DNASE2B: variants seen among roughly 807,000 people sequenced by gnomAD.
DNASE2B encodes the protein deoxyribonuclease 2 beta, also known as deoxyribonuclease-2-beta.
A neutral mutation model predicts 46.0 loss-of-function variants in DNASE2B; 43 were observed. That is an observed-to-expected ratio of 0.94 (90% confidence interval 0.73 to 1.21). DNASE2B has a LOEUF of 1.21. DNASE2B is among the 50% of genes most tolerant of loss of function. The probability of loss-of-function intolerance (pLI) is 0.00; values close to 1 mark genes in which losing one functional copy is unlikely to be tolerated. For synonymous variants in DNASE2B, 156 were observed against 152.5 expected (o/e 1.02, Z -0.17); for missense variants, 395 against 414.4 (o/e 0.95, Z 0.41).
rs199881802 is a variant in DNASE2B at position 84,410,872 on chromosome 1, G to A, written c.420G>A (p.Trp140Ter). Residue 140 changes from tryptophan (W) to a stop codon, truncating the protein, a stop_gained, in exon 4 of 6, where the codon TGG (tryptophan) becomes TGA (stop). Transcript: ENST00000370665. LOFTEE classifies it high-confidence loss of function. ...TGTGGAACAGAGTTCAAGGGTTCTGGCTGATTCATTCCATCCCTCAGTTTC... is the reference window on the plus strand; with the variant it reads ...TGTGGAACAGAGTTCAAGGGTTCTGACTGATTCATTCCATCCCTCAGTTTC... ...LLLWNRVQGF[W>*]LIHSIPQFPP... 53 of 1,613,468 alleles carry A rather than the reference G, an allele frequency of 3.3e-5. No homozygotes were observed. Among genetic ancestry groups the A allele is most frequent in the Admixed American group, 8.3e-5 (5 of 59,922 alleles).
intron 5 of DNASE2B, among the ~76,000 whole-genome samples, 154 bp from the exon 6 acceptor site, chr1:84,414,373 GT>G (rs1680655429): frequency 6.6e-6 from 1 of 152,168 alleles, no homozygotes; most frequent in African/African-American, 2.4e-5. Flanking sequence ...TTTACAAAAT[GT>G]TTTCTCATCC....
In DNASE2B at chr1:84,408,387, G is replaced by A. The variant is rs757577574; in HGVS notation, c.304-50G>A. 5.3e-5 allele frequency: 83 copies of A among 1,554,662 alleles called. 1 individual carries two copies. The highest frequency in any genetic ancestry group is 9.6e-5 in the Admixed American group (5 of 52,226). On this transcript the variant is annotated intron_variant, in intron 2 of 5. Coordinates refer to ENST00000370665, the MANE Select transcript of DNASE2B (RefSeq NM_021233.3). Reference sequence around the variant, plus strand: ...GGTAGCTGGTAGAAATGTTGTGGGCGTTTGTAAGTGGAAGATTTACGCCAT... The same window carrying A: ...GGTAGCTGGTAGAAATGTTGTGGGCATTTGTAAGTGGAAGATTTACGCCAT...
intron 3 of DNASE2B, among the ~76,000 whole-genome samples, chr1:84,409,874 C>G (rs1342527215): frequency 6.6e-6 from 1 of 152,174 alleles, no homozygotes; most frequent in Non-Finnish European, 1.5e-5. Flanking sequence ...CTCATCTGCA[C>G]AGAGGATAAC....
intron 2 of DNASE2B, among the ~76,000 whole-genome samples, chr1:84,405,097 G>A (rs1680475547): frequency 6.6e-6 from 1 of 151,944 alleles, no homozygotes; most frequent in African/African-American, 2.4e-5. Flanking sequence ...AGCAAAAGCT[G>A]CTTCTCCTGT....
chr1:84,401,509 G>A lies in DNASE2B; in HGVS notation c.126-392G>A, dbSNP rs558384373. 2.6e-5 allele frequency among the ~76,000 whole-genome samples: 4 copies of A among 152,166 alleles called. 1 individual carries two copies. Among genetic ancestry groups the A allele is most frequent in the Non-Finnish European group, 5.9e-5 (4 of 68,032 alleles). On this transcript the variant is annotated intron_variant, in intron 1 of 5. Transcript: ENST00000370665. ...ATGCAGCTTATGACAGGGGCTCAAAGTACCTTCCACCTCTCCTGAAGCCCA... is the reference window on the plus strand; with the variant it reads ...ATGCAGCTTATGACAGGGGCTCAAAATACCTTCCACCTCTCCTGAAGCCCA...
intron 5 of DNASE2B, 114 bp from the exon 6 acceptor site, chr1:84,414,414 C>A: frequency 1.2e-6 from 1 of 856,524 alleles, no homozygotes; most frequent in South Asian, 1.9e-5. Context: ...TATTATTGTG[C>A]TCGTGACATC....
intron 4 of DNASE2B, among the ~76,000 whole-genome samples, chr1:84,411,450 G>A (rs1209698943): frequency 3.7e-5 from 1 of 26,904 alleles, no homozygotes; most frequent in Non-Finnish European, 9.0e-5. Context: ...GTGTGTGTGT[G>A]TGTGTGTGTG....
At chr1:84,411,430 GTGT>G (rs1558503345) in intron 4 of DNASE2B, among the ~76,000 whole-genome samples, 20 of 1,610 alleles carry the variant, frequency 0.012, no homozygotes, top group African/African-American at 0.015. Flanking sequence ...CCTAGGGTGT[GTGT>G]GTGTGTGTGT....
Position 84,402,082 on chromosome 1 carries a change from T to C in DNASE2B, c.303+4T>C, listed in dbSNP as rs765958882. The C allele has an allele frequency of 4.4e-6, 7 of 1,588,562 alleles. No individual in the cohort carries two copies. Among genetic ancestry groups the C allele is most frequent in the Non-Finnish European group, 6.0e-6 (7 of 1,172,492 alleles). The stretch of plus-strand genomic sequence containing the variant: ...ATATGAAGCATATGCCTCTAAGGTA[T>C]GTTATATAGTTAATTGTTCACTTGA... On this transcript the variant is annotated splice_donor_region_variant and intron_variant, in intron 2 of 5. Coordinates refer to ENST00000370665, the MANE Select transcript of DNASE2B (RefSeq NM_021233.3).
intron 2 of DNASE2B, among the ~76,000 whole-genome samples, chr1:84,403,149 A>C (rs938641691): frequency 2.0e-5 from 3 of 152,196 alleles, no homozygotes; most frequent in Non-Finnish European, 4.4e-5. Context: ...TTGTCTCAAC[A>C]AACCTGCTTT....
chr1:84,403,957 T>C, intron 2 of DNASE2B, among the ~76,000 whole-genome samples: 1 of 146,944 alleles, frequency 6.8e-6, no homozygotes, highest in African/African-American at 2.5e-5. Flanking sequence ...TGGCTAATTT[T>C]TTTTTTTTTT....
chr1:84,403,031 C>T (rs1430656479), intron 2 of DNASE2B, among the ~76,000 whole-genome samples: 1 of 152,156 alleles, frequency 6.6e-6, no homozygotes, highest in African/African-American at 2.4e-5. Context: ...TATTTACCTG[C>T]CATTAAGACT....
At chr1:84,405,839 A>G (rs1680484213) in intron 2 of DNASE2B, among the ~76,000 whole-genome samples, 1 of 152,158 alleles carries the variant, frequency 6.6e-6, no homozygotes, top group South Asian at 2.1e-4. Context: ...ATGACTTAGT[A>G]CTGCATATTT....
chr1:84,398,684 G>A lies in DNASE2B; in HGVS notation c.120G>A (p.Val40=). 12 of 1,613,776 alleles carry A rather than the reference G, an allele frequency of 7.4e-6. No homozygotes were observed. The highest frequency in any genetic ancestry group is 1.0e-5 in the Non-Finnish European group (12 of 1,179,716). The change falls in exon 1 of 6, where the codon GTG becomes GTA. Residue 40 remains valine (V), a synonymous_variant. Transcript: ENST00000370665. ...ISCRNEEGKA[V]DWFTFYKLPK... ...GCAGAAATGAAGAAGGGAAAGCTGT[G>A]GACTGGTAGGTAAATGAAATGGAAG...
chr1:84,410,966 A>G lies in DNASE2B; in HGVS notation c.514A>G (p.Ile172Val), dbSNP rs778375234. The change falls in exon 4 of 6, where the codon ATA (isoleucine) becomes GTA (valine). Residue 172 changes from isoleucine (I) to valine (V), a missense_variant. Coordinates refer to ENST00000370665, the MANE Select transcript of DNASE2B (RefSeq NM_021233.3). ...GRRNGQSGIC[I>V]TFKYNQYEAI... ...ACGAAATGGACAAAGTGGCATCTGC[A>G]TAACTTTCAAGTACAACCAGTATGA... 2 of 1,612,134 alleles carry G rather than the reference A, an allele frequency of 1.2e-6. No individual in the cohort carries two copies. Among genetic ancestry groups the G allele is most frequent in the African/African-American group, 1.3e-5 (1 of 75,052 alleles).
chr1:84,410,387 T>C (rs1021437197), intron 3 of DNASE2B, among the ~76,000 whole-genome samples: 2 of 152,220 alleles, frequency 1.3e-5, no homozygotes, highest in South Asian at 2.1e-4. Context: ...TAACAAATTA[T>C]TGTGAGTACA....
At chr1:84,401,854 AAAACAGTCAATAAATGTTAGT>A (rs752677457) in intron 1 of DNASE2B, 26 bp from the exon 2 acceptor site, 1,090 of 1,374,394 alleles carry the variant, frequency 7.9e-4, no homozygotes, top group Non-Finnish European at 1.0e-3. Flanking sequence ...CTGCCACAGG[AAAACAGTCAATAAATGTTAGT>A]AATTCATAAT....
rs1371919777 is a variant in DNASE2B, at chr1:84,412,415, A to G, written c.614A>G (p.Glu205Gly). 1.9e-6 allele frequency: 3 copies of G among 1,613,312 alleles called. No individual in the cohort carries two copies. In the Admixed American group the frequency reaches 5.0e-5, roughly 27 times the overall value. Residue 205 changes from glutamate (E) to glycine (G), a missense_variant, in exon 5 of 6, where the codon GAG (glutamate) becomes GGG (glycine). Physicochemically the swap from Glu to Gly is moderately conservative, Grantham distance 98. Coordinates refer to ENST00000370665, the MANE Select transcript of DNASE2B (RefSeq NM_021233.3). ...TCCATCCCAGCCACCTTTCACCAGG[A>G]GCTCATTCACATGCCCCAGCTGTGC... ...SCSIPATFHQ[E>G]LIHMPQLCTR... is the part of the protein sequence containing the mutation.
Position 84,398,703 on chromosome 1 carries a change from A to G in DNASE2B, c.125+14A>G. Reference sequence around the variant, plus strand: ...AGCTGTGGACTGGTAGGTAAATGAAATGGAAGGACTGCTGCATGCAAACAG... The same window carrying G: ...AGCTGTGGACTGGTAGGTAAATGAAGTGGAAGGACTGCTGCATGCAAACAG... On this transcript the variant is annotated intron_variant, in intron 1 of 5. Coordinates refer to ENST00000370665, the MANE Select transcript of DNASE2B (RefSeq NM_021233.3). 6.2e-7 allele frequency: 1 copy of G among 1,613,398 alleles called. No homozygotes were observed. The highest frequency in any genetic ancestry group is 8.5e-7 in the Non-Finnish European group (1 of 1,179,520).
Sources: allele counts gnomAD v4.1 joint callset (sites outside exome capture counted in the v4.1 genomes callset), GRCh38; gene constraint gnomAD v4.1.1; transcripts MANE v1.5; gene names NCBI Gene and HGNC (gene_info 2026-07-23, HGNC 2026-07-21).